HS6ST2: variants seen among roughly 807,000 people sequenced by gnomAD.
HS6ST2 encodes heparan-sulfate 6-O-sulfotransferase 2.
Under a neutral mutation model 33.0 loss-of-function variants are expected in HS6ST2, and 17 were observed. That is an observed-to-expected ratio of 0.52 (90% CI 0.35 to 0.77). The LOEUF is 0.77. HS6ST2 is among the 30% of genes least tolerant of loss of function. HS6ST2 has a pLI of 0.01. For missense variants in HS6ST2, 519 were observed against 551.7 expected (o/e 0.94, Z 0.59); for synonymous variants, 248 against 237.1 (o/e 1.05, Z -0.42).
At chrX:132,886,815 G>A (rs2066257403) in intron 2 of HS6ST2, among the ~76,000 whole-genome samples, 1 of 111,451 alleles carries the variant, frequency 9.0e-6, no homozygotes. Context: ...AAACAATGGA[G>A]GCTGTAGGTA....
At chrX:132,956,661 G>T (rs1182948353) in intron 2 of HS6ST2, 147 bp downstream of exon 2, 3 of 621,370 alleles carry the variant, frequency 4.8e-6, no homozygotes, top group Non-Finnish European at 6.8e-6. Flanking sequence ...GCGAACGTGC[G>T]CTACTGGGCG....
At chrX:132,792,003 C>T (rs1452519319) in intron 2 of HS6ST2, among the ~76,000 whole-genome samples, 1 of 112,087 alleles carries the variant, frequency 8.9e-6, no homozygotes, top group Non-Finnish European at 1.9e-5. Context: ...AAAAGTTACA[C>T]TTTCCTATAT....
At chrX:132,922,691 T>C (rs2066664437) in intron 2 of HS6ST2, among the ~76,000 whole-genome samples, 1 of 111,771 alleles carries the variant, frequency 8.9e-6, no homozygotes, top group African/African-American at 3.3e-5. Context: ...GCATGGGATT[T>C]CAATGAAATA....
intron 3 of HS6ST2, among the ~76,000 whole-genome samples, chrX:132,693,928 T>C (rs1249405310): frequency 2.7e-5 from 3 of 112,242 alleles, no homozygotes; most frequent in African/African-American, 9.7e-5. Flanking sequence ...ACTCAGGGAA[T>C]GGGTCTACAA....
intron 2 of HS6ST2, among the ~76,000 whole-genome samples, chrX:132,922,492 C>A (rs755480954): frequency 8.9e-6 from 1 of 111,968 alleles, no homozygotes; most frequent in South Asian, 3.7e-4. Context: ...TTATCCAAAT[C>A]TGACCAACAT....
intron 2 of HS6ST2, among the ~76,000 whole-genome samples, chrX:132,928,681 C>A (rs2066734269): frequency 9.0e-6 from 1 of 111,341 alleles, no homozygotes; most frequent in African/African-American, 3.3e-5. Context: ...GTCACAGCAA[C>A]CTGTGCTCAC....
intron 2 of HS6ST2, among the ~76,000 whole-genome samples, chrX:132,865,816 G>C (rs1195329695): frequency 3.6e-5 from 4 of 111,299 alleles, no homozygotes; most frequent in African/African-American, 1.3e-4. Context: ...CCCACTTTTT[G>C]ATGGGGTTGT....
chrX:132,943,934 T>G (rs750329565), intron 2 of HS6ST2, among the ~76,000 whole-genome samples: 2 of 111,555 alleles, frequency 1.8e-5, no homozygotes, highest in African/African-American at 3.3e-5. Context: ...AAGCATTCCC[T>G]TTGAAAACTG....
At chrX:132,791,140 C>T (rs941686952) in intron 2 of HS6ST2, among the ~76,000 whole-genome samples, 1 of 110,848 alleles carries the variant, frequency 9.0e-6, no homozygotes, top group African/African-American at 3.3e-5. Context: ...GAGCAAGACT[C>T]TGTCTCAAAA....
intron 2 of HS6ST2, among the ~76,000 whole-genome samples, chrX:132,893,307 C>T (rs867412136): frequency 8.9e-6 from 1 of 112,185 alleles, no homozygotes; most frequent in African/African-American, 3.2e-5. Context: ...ATAGTATTCA[C>T]GTGATAAACA....
chrX:132,711,860 T>C (rs955027743), intron 2 of HS6ST2, among the ~76,000 whole-genome samples: 11 of 111,289 alleles, frequency 9.9e-5, no homozygotes, highest in Non-Finnish European at 1.9e-4. Flanking sequence ...TGATGAACAA[T>C]TGACCCTCTT....
chrX:132,664,637 A>G (rs769357867), intron 4 of HS6ST2, among the ~76,000 whole-genome samples: 1 of 111,397 alleles, frequency 9.0e-6, no homozygotes, highest in Non-Finnish European at 1.9e-5. Flanking sequence ...CATCACTTAT[A>G]GTGCTTAATT....
At chrX:132,892,113 G>A (rs1399954883) in intron 2 of HS6ST2, among the ~76,000 whole-genome samples, 1 of 112,132 alleles carries the variant, frequency 8.9e-6, no homozygotes, top group Admixed American at 9.5e-5. Flanking sequence ...TTGTGGTTTT[G>A]ATTTTTTGTT....
At chrX:132,758,597 G>C (rs149939357) in intron 2 of HS6ST2, among the ~76,000 whole-genome samples, 1,366 of 111,521 alleles carry the variant, frequency 0.012, 27 homozygotes, top group African/African-American at 0.043. Context: ...GCACCCCACA[G>C]AAGCAGAAAA....
Position 132,752,471 on chromosome X carries a change from C to CAAA in HS6ST2, c.948-43980_948-43978dup, listed in dbSNP as rs751283316. Among the ~76,000 whole-genome samples, 65 of 59,613 alleles carry CAAA rather than the reference C, an allele frequency of 1.1e-3. 1 individual carries two copies. The highest frequency in any genetic ancestry group is 5.3e-3 in the South Asian group (5 of 936). The allele number at this position is 59,613 out of a possible 115,157, so 51.8% of individuals were successfully genotyped here. A position where few individuals can be genotyped will look rare whatever the true frequency, so the allele number is the denominator to read the frequency against. ...TGGGTGACATAGTGAGACTCCGTCT[C>CAAA]AAAAAAAAAAAAAAAAAAAGAACTG... On this transcript the variant is annotated intron_variant, in intron 2 of 4. Coordinates refer to ENST00000370833, the MANE Select transcript of HS6ST2 (RefSeq NM_001394073.1).
At chrX:132,670,281 AAAATAGATGTCTGC>A (rs1377761696) in intron 3 of HS6ST2, among the ~76,000 whole-genome samples, 1 of 112,164 alleles carries the variant, frequency 8.9e-6, no homozygotes, top group East Asian at 2.8e-4. Flanking sequence ...AAGTATCTCC[AAAATAGATGTCTGC>A]AAGTAGCTGT....
At chrX:132,689,558 T>G (rs1471657712) in intron 3 of HS6ST2, among the ~76,000 whole-genome samples, 4 of 112,270 alleles carry the variant, frequency 3.6e-5, no homozygotes, top group Non-Finnish European at 7.5e-5. Flanking sequence ...TATTACATTT[T>G]AGAAAATTGA....
chrX:132,676,718 T>C (rs751427312), intron 3 of HS6ST2, among the ~76,000 whole-genome samples: 1 of 111,900 alleles, frequency 8.9e-6, no homozygotes, highest in South Asian at 3.8e-4. Context: ...TTTACAATTC[T>C]ATCAGGTTCC....
chrX:132,658,049 C>T (rs906851896), intron 4 of HS6ST2, among the ~76,000 whole-genome samples: 1 of 110,223 alleles, frequency 9.1e-6, no homozygotes, highest in Non-Finnish European at 1.9e-5. Flanking sequence ...GAAGCAAGCC[C>T]AGCCTTCTTA....
Sources: allele counts gnomAD v4.1 joint callset (sites outside exome capture counted in the v4.1 genomes callset), GRCh38; gene constraint gnomAD v4.1.1; transcripts MANE v1.5; gene names NCBI Gene and HGNC (gene_info 2026-07-23, HGNC 2026-07-21).